NAV2: variants seen among roughly 807,000 people sequenced by gnomAD.
NAV2 encodes the protein helicase, APC down-regulated 1.
Under a neutral mutation model 223.2 loss-of-function variants are expected in NAV2, and 54 were observed. The observed-to-expected ratio is 0.24, with a 90% confidence interval of 0.19 to 0.30. The LOEUF is 0.30. NAV2 is among the 10% of genes least tolerant of loss of function. NAV2 has a pLI of 1.00. For synonymous variants in NAV2, 1,279 were observed against 1,239.3 expected, an observed-to-expected ratio of 1.03 and a Z score of -0.67; for missense variants, 2,806 against 3,147.5, an observed-to-expected ratio of 0.89 and a Z score of 2.60.
intron 11 of NAV2, among the ~76,000 whole-genome samples, chr11:19,990,849 A>G (rs1348458913): frequency 1.3e-5 from 2 of 152,190 alleles, no homozygotes; most frequent in Admixed American, 1.3e-4. Flanking sequence ...ACAAAGAACA[A>G]TTCCCACACT....
chr11:19,538,008 A>C (rs2044236845), intron 1 of NAV2, among the ~76,000 whole-genome samples: 1 of 152,214 alleles, frequency 6.6e-6, no homozygotes, highest in Non-Finnish European at 1.5e-5. Context: ...TGTTATGAGA[A>C]GGAGAGTCCA....
intron 1 of NAV2, among the ~76,000 whole-genome samples, chr11:19,611,861 C>T (rs949325036): frequency 2.0e-5 from 3 of 152,250 alleles, no homozygotes; most frequent in African/African-American, 7.2e-5. Flanking sequence ...CTCACAGCTA[C>T]ACTAGGCAGT....
At chr11:19,732,002 G>A (rs1190475139) in intron 1 of NAV2, among the ~76,000 whole-genome samples, 1 of 152,108 alleles carries the variant, frequency 6.6e-6, no homozygotes, top group Non-Finnish European at 1.5e-5. Flanking sequence ...TTAAGAGTAT[G>A]GGCTGGGAGG....
At chr11:19,351,015 A>T in exon 1 of NAV2, 1 of 1,551,648 alleles carries the variant, frequency 6.4e-7, no homozygotes, top group Non-Finnish European at 8.7e-7. Flanking sequence ...ACGGACTGGA[A>T]GATCAAAAGA....
chr11:19,542,424 T>A (rs2044364915), intron 1 of NAV2, among the ~76,000 whole-genome samples: 1 of 152,230 alleles, frequency 6.6e-6, no homozygotes, highest in African/African-American at 2.4e-5. Flanking sequence ...CAGTAAATGA[T>A]GGAGTCAGTG....
intron 1 of NAV2, among the ~76,000 whole-genome samples, chr11:19,509,869 A>AG (rs1564998987): frequency 6.6e-6 from 1 of 151,830 alleles, no homozygotes; most frequent in Non-Finnish European, 1.5e-5. Flanking sequence ...TAGGAAAAAA[A>AG]AAATGTTATG....
chr11:19,914,540 CTTT>C (rs10707433), intron 6 of NAV2, among the ~76,000 whole-genome samples: 4 of 141,638 alleles, frequency 2.8e-5, no homozygotes, highest in Non-Finnish European at 4.6e-5. Flanking sequence ...TGTTCCTGTT[CTTT>C]TTTTTTTTTT....
At chr11:20,048,180 G>T (rs190025502) in intron 14 of NAV2, among the ~76,000 whole-genome samples, 1 of 152,124 alleles carries the variant, frequency 6.6e-6, no homozygotes, top group Non-Finnish European at 1.5e-5. Context: ...TTCCAGTTGC[G>T]TTTTCTATTG....
At chr11:19,709,401 G>A (rs528746662), upstream of NAV2, among the ~76,000 whole-genome samples, 2 of 151,882 alleles carry the variant, frequency 1.3e-5, no homozygotes, top group East Asian at 3.9e-4. Context: ...AATTAGCTGG[G>A]CATGGTGGCG....
chr11:19,350,466 G>T (rs564736552), upstream of NAV2, among the ~76,000 whole-genome samples: 1 of 152,240 alleles, frequency 6.6e-6, no homozygotes, highest in African/African-American at 2.4e-5. Context: ...GCGGCTTTCC[G>T]CGCAGTGTTT....
At chr11:19,638,154 A>G (rs1405279704) in intron 1 of NAV2, among the ~76,000 whole-genome samples, 1 of 152,220 alleles carries the variant, frequency 6.6e-6, no homozygotes, top group Non-Finnish European at 1.5e-5. Context: ...CTAGATTTCT[A>G]CATGATCCTA....
At chr11:19,661,738 T>G (rs1472449633) in intron 1 of NAV2, among the ~76,000 whole-genome samples, 2 of 152,242 alleles carry the variant, frequency 1.3e-5, no homozygotes, top group East Asian at 3.8e-4. Context: ...GAGTCTGACA[T>G]TCAATACTCA....
chr11:20,035,819 T>G (rs1158689704), intron 11 of NAV2, 140 bp from the exon 12 acceptor site: 5 of 913,190 alleles, frequency 5.5e-6, no homozygotes, highest in African/African-American at 1.7e-5. Context: ...ATGAGTCACA[T>G]CTGAGTCAAG....
chr11:19,746,694 A>G (rs1008691081), intron 1 of NAV2, among the ~76,000 whole-genome samples: 2 of 151,926 alleles, frequency 1.3e-5, no homozygotes, highest in Admixed American at 6.6e-5. Context: ...ACATGCCCCC[A>G]TGTTCTCTTT....
At chr11:19,938,185 T>C (rs2046079350) in intron 7 of NAV2, among the ~76,000 whole-genome samples, 1 of 152,212 alleles carries the variant, frequency 6.6e-6, no homozygotes. Context: ...TCTACCACAA[T>C]AAGGGGTTTA....
chr11:19,836,385 G>A (rs1207896197), intron 2 of NAV2, among the ~76,000 whole-genome samples: 5 of 151,616 alleles, frequency 3.3e-5, no homozygotes, highest in South Asian at 2.1e-4. Flanking sequence ...GTGAAACCCC[G>A]TCTCTACTAA....
At chr11:19,482,440 G>A (rs943992884) in intron 1 of NAV2, among the ~76,000 whole-genome samples, 7 of 152,166 alleles carry the variant, frequency 4.6e-5, no homozygotes, top group Admixed American at 1.3e-4. Flanking sequence ...CGGGGTTATT[G>A]TTGCCTGTGG....
chr11:19,450,231 C>T (rs1222090656), intron 1 of NAV2, among the ~76,000 whole-genome samples: 7 of 152,154 alleles, frequency 4.6e-5, no homozygotes, highest in Admixed American at 3.3e-4. Context: ...GGCTCAACAC[C>T]TAATTTCCCT....
intron 1 of NAV2, among the ~76,000 whole-genome samples, chr11:19,467,784 T>G (rs915053457): frequency 1.3e-5 from 2 of 152,202 alleles, no homozygotes; most frequent in Admixed American, 6.5e-5. Flanking sequence ...TGTCCTTAGT[T>G]CTGACAAGAG....
Sources: gnomAD v4.1 joint callset for allele counts (sites outside exome capture counted in the v4.1 genomes callset) on GRCh38, gnomAD v4.1.1 for gene constraint, MANE v1.5 for transcripts, NCBI Gene and HGNC (gene_info 2026-07-23, HGNC 2026-07-21) for gene names.